NRG3: variants seen among roughly 807,000 people sequenced by gnomAD.
NRG3 encodes the protein neuregulin 3.
NRG3 carries 31 observed loss-of-function variants against 66.9 expected under a neutral mutation model. The observed-to-expected ratio is 0.46, with a 90% confidence interval of 0.35 to 0.63. The LOEUF is 0.63. Among genes scored for constraint, NRG3 ranks in the 20% least tolerant of loss-of-function variants. The pLI is 0.00. For missense variants in NRG3, 910 were observed against 878.9 expected (o/e 1.04, Z -0.45); for synonymous variants, 393 against 359.4 (o/e 1.09, Z -1.06).
intron 2 of NRG3, among the ~76,000 whole-genome samples, chr10:82,662,360 TAA>T (rs111614091): frequency 2.7e-4 from 38 of 141,682 alleles, no homozygotes; most frequent in African/African-American, 8.8e-4. Context: ...CAGACTCTTT[TAA>T]AAAAAAAAAA....
intron 1 of NRG3, among the ~76,000 whole-genome samples, chr10:81,977,422 A>C (rs1226603539): frequency 6.6e-6 from 1 of 152,214 alleles, no homozygotes; most frequent in East Asian, 1.9e-4. Flanking sequence ...AAACTCAAGC[A>C]ATGTATTTCG....
chr10:82,393,910 GGGTATTTT>G (rs1373421015), intron 2 of NRG3, among the ~76,000 whole-genome samples: 1 of 152,174 alleles, frequency 6.6e-6, no homozygotes, highest in Non-Finnish European at 1.5e-5. Context: ...TGTATGCAGA[GGGTATTTT>G]GTGTGGTCAG....
chr10:82,255,312 G>C (rs2134141373), intron 1 of NRG3, among the ~76,000 whole-genome samples: 1 of 152,254 alleles, frequency 6.6e-6, no homozygotes, highest in East Asian at 1.9e-4. Flanking sequence ...GGAGGCTAAG[G>C]AAACATGACA....
At position 82,430,412 on chromosome 10, in the gene NRG3, C is replaced by T. The variant is rs575292390; in HGVS notation, c.953+71544C>T. ...AGCTGGGACTACAGGCACCCACCACCATGCCTGGCTAATTTTTTCTATTTT... is the reference window on the plus strand; with the variant it reads ...AGCTGGGACTACAGGCACCCACCACTATGCCTGGCTAATTTTTTCTATTTT... On this transcript the variant is annotated intron_variant, in intron 2 of 8. Coordinates refer to ENST00000372141, the MANE Select transcript of NRG3 (RefSeq NM_001010848.4). Among the ~76,000 whole-genome samples, 4 of 152,136 alleles carry T rather than the reference C, an allele frequency of 2.6e-5. No homozygotes were observed. In the South Asian group the frequency reaches 8.3e-4, roughly 32 times the overall value.
At chr10:82,062,998 G>A (rs901996979) in intron 1 of NRG3, among the ~76,000 whole-genome samples, 1 of 152,066 alleles carries the variant, frequency 6.6e-6, no homozygotes, top group Non-Finnish European at 1.5e-5. Flanking sequence ...CCACCAACTT[G>A]ATACCCCATT....
At chr10:82,741,269 C>T (rs2058410749) in intron 3 of NRG3, among the ~76,000 whole-genome samples, 1 of 151,892 alleles carries the variant, frequency 6.6e-6, no homozygotes, top group Non-Finnish European at 1.5e-5. Context: ...AGTGTGCAAA[C>T]AGGATTTAGG....
intron 7 of NRG3, among the ~76,000 whole-genome samples, chr10:82,977,493 C>T (rs1852399610): frequency 6.6e-6 from 1 of 151,608 alleles, no homozygotes; most frequent in South Asian, 2.1e-4. Context: ...CCTGTAGTCC[C>T]AGCTACTTGG....
Position 82,985,198 on chromosome 10 carries a change from G to T in NRG3, c.1684G>T (p.Asp562Tyr). The stretch of plus-strand genomic sequence containing the variant: ...CTATTTTAATAGCTTGGAGCAAAAG[G>T]ACCTGGTGGGCTATTCATCCACAAG... ...NPYFNSLEQK[D>Y]LVGYSSTRAS... The change falls in exon 9 of 9, where the codon GAC becomes TAC. Residue 562 changes from aspartate (D) to tyrosine (Y), a missense_variant. Coordinates refer to ENST00000372141, the MANE Select transcript of NRG3 (RefSeq NM_001010848.4). 2.5e-6 allele frequency: 4 copies of T among 1,614,088 alleles called. No homozygotes were observed. The highest frequency in any genetic ancestry group is 3.4e-6 in the Non-Finnish European group (4 of 1,179,986).
chr10:82,824,719 CTT>C (rs35568898), intron 3 of NRG3, among the ~76,000 whole-genome samples: 86 of 138,590 alleles, frequency 6.2e-4, no homozygotes, highest in African/African-American at 1.7e-3. Flanking sequence ...ATTATAGACA[CTT>C]TTTTTTTTTT....
chr10:82,713,988 T>A (rs1451358848), intron 2 of NRG3, among the ~76,000 whole-genome samples: 1 of 152,144 alleles, frequency 6.6e-6, no homozygotes, highest in Admixed American at 6.5e-5. Context: ...GTTGTCATGG[T>A]ATGCTGAATG....
At chr10:81,997,444 G>A (rs1177807356) in intron 1 of NRG3, among the ~76,000 whole-genome samples, 3 of 152,186 alleles carry the variant, frequency 2.0e-5, no homozygotes, top group Non-Finnish European at 4.4e-5. Context: ...CACCGCTGAG[G>A]CATCATAGTT....
chr10:81,883,399 A>G (rs948922838), intron 1 of NRG3, among the ~76,000 whole-genome samples: 14 of 152,322 alleles, frequency 9.2e-5, no homozygotes, highest in Admixed American at 8.5e-4. Flanking sequence ...TACATAAATC[A>G]TAGATTGCCA....
chr10:82,011,776 C>T (rs1362423467), intron 1 of NRG3, among the ~76,000 whole-genome samples: 1 of 152,218 alleles, frequency 6.6e-6, no homozygotes, highest in Non-Finnish European at 1.5e-5. Flanking sequence ...GACTCCATGT[C>T]TCACATCCAA....
chr10:82,628,878 C>G (rs1304745305), intron 2 of NRG3, among the ~76,000 whole-genome samples: 1 of 152,022 alleles, frequency 6.6e-6, no homozygotes, highest in Non-Finnish European at 1.5e-5. Flanking sequence ...AGATCTGGCT[C>G]AATATTAAGA....
intron 1 of NRG3, among the ~76,000 whole-genome samples, chr10:81,953,851 A>C (rs553032556): frequency 4.6e-5 from 7 of 152,300 alleles, no homozygotes; most frequent in Admixed American, 1.3e-4. Context: ...TTGTCTAAGC[A>C]GGAAGATACT....
intron 2 of NRG3, among the ~76,000 whole-genome samples, chr10:82,516,308 A>G (rs1026404641): frequency 6.6e-6 from 1 of 152,090 alleles, no homozygotes; most frequent in Non-Finnish European, 1.5e-5. Flanking sequence ...ATTTTGCTTT[A>G]CTTCCCTTTC....
chr10:82,458,663 A>G (rs1240900014), intron 2 of NRG3, among the ~76,000 whole-genome samples: 1 of 152,230 alleles, frequency 6.6e-6, no homozygotes, highest in African/African-American at 2.4e-5. Flanking sequence ...TTGGAGTAAG[A>G]TAGACCTGGG....
At chr10:82,816,915 G>A (rs954955080) in intron 3 of NRG3, among the ~76,000 whole-genome samples, 1 of 152,232 alleles carries the variant, frequency 6.6e-6, no homozygotes, top group Admixed American at 6.5e-5. Context: ...GACCATGCCT[G>A]AGAGTGTTCC....
At chr10:82,727,590 C>T in intron 2 of NRG3, among the ~76,000 whole-genome samples, 1 of 152,332 alleles carries the variant, frequency 6.6e-6, no homozygotes, top group East Asian at 1.9e-4. Flanking sequence ...GATGTCTGGG[C>T]AGAAGTTTGC....
Sources: gnomAD v4.1 joint callset for allele counts (sites outside exome capture counted in the v4.1 genomes callset) on GRCh38, gnomAD v4.1.1 for gene constraint, MANE v1.5 for transcripts, NCBI Gene and HGNC (gene_info 2026-07-23, HGNC 2026-07-21) for gene names.